The following SEC14L1 variants were observed in gnomAD, a reference collection of about 807,000 sequenced individuals.
SEC14L1 encodes the protein SEC14 like lipid binding 1, also known as SEC14-like protein 1.
A neutral mutation model predicts 85.3 loss-of-function variants in SEC14L1; 48 were observed. The ratio of observed to expected loss-of-function variants is 0.56; its 90% CI spans 0.45 to 0.72. SEC14L1 has a LOEUF of 0.72. SEC14L1 is among the 30% of genes least tolerant of loss of function. SEC14L1 has a pLI of 0.00. For missense variants in SEC14L1, 682 were observed against 921.4 expected, an observed-to-expected ratio of 0.74 and a Z score of 3.36; for synonymous variants, 391 against 355.5, an observed-to-expected ratio of 1.10 and a Z score of -1.12.
At chr17:77,188,092 A>ACCCTAC (rs1256546441) in intron 3 of SEC14L1, among the ~76,000 whole-genome samples, 26 of 152,230 alleles carry the variant, frequency 1.7e-4, no homozygotes, top group Non-Finnish European at 3.2e-4. Flanking sequence ...ATTATTTACA[A>ACCCTAC]AGAATAATAT....
rs1351732693 is a variant in SEC14L1, at chr17:77,206,322, G to A, written c.1263G>A (p.Val421=). The change falls in exon 12 of 17, where the codon GTG becomes GTA. Residue 421 remains valine, a synonymous_variant. Coordinates refer to ENST00000436233, the MANE Select transcript of SEC14L1 (RefSeq NM_001143998.2). This position sits in a 1 kb window ranked among gnomAD's most constrained non-coding sequence, Gnocchi z 4.3. ...CGCTGCTGCGGATCATCGAGGTGGT[G>A]GAGGCCAACTACCCTGAGACACTGG... ...VKALLRIIEV[V]EANYPETLGR... is the part of the protein sequence containing the mutation. The A allele has an allele frequency of 6.2e-7, 1 of 1,614,108 alleles. No individual in the cohort carries two copies. The highest frequency in any genetic ancestry group is 2.2e-5 in the East Asian group (1 of 44,872).
intron 5 of SEC14L1, 131 bp downstream of exon 5, chr17:77,191,443 T>C (rs1342056183): frequency 2.0e-6 from 2 of 1,008,608 alleles, no homozygotes; most frequent in Non-Finnish European, 3.0e-6. Flanking sequence ...GTCACTCATT[T>C]CTCATGTGTA....
At chr17:77,101,211 C>T (rs117225548) in intron 3 of SEC14L1, among the ~76,000 whole-genome samples, 2,223 of 152,040 alleles carry the variant, frequency 0.015, 32 homozygotes, top group Middle Eastern at 0.048. Context: ...GAGTCTCGCC[C>T]TGTTGCTCTG....
chr17:77,111,191 G>GAA (rs57425211), intron 3 of SEC14L1, among the ~76,000 whole-genome samples: 6 of 101,114 alleles, frequency 5.9e-5, no homozygotes, highest in African/African-American at 1.2e-4. Flanking sequence ...GTCTCAAAAA[G>GAA]AAAAAAAAAA....
intron 3 of SEC14L1, among the ~76,000 whole-genome samples, chr17:77,120,722 C>T (rs573299961): frequency 7.9e-5 from 12 of 152,250 alleles, no homozygotes; most frequent in South Asian, 4.1e-4. Flanking sequence ...GGTGATCCAC[C>T]GGTCTCGGCC....
At position 77,214,347 on chromosome 17, in the gene SEC14L1, A is replaced by C; in HGVS notation, c.*324A>C. On this transcript the variant is annotated 3_prime_UTR_variant, in exon 17 of 17. Coordinates refer to ENST00000436233, the MANE Select transcript of SEC14L1 (RefSeq NM_001143998.2). ...GTGGTCTCAGATATTGATGCAAAAA[A>C]TTTTTCCAACGAACTCCGCATTGTC... 9.3e-7 allele frequency: 1 copy of C among 1,076,358 alleles called. No homozygotes were observed. Among genetic ancestry groups the C allele is most frequent in the Non-Finnish European group, 1.1e-6 (1 of 886,004 alleles). The allele number at this position is 1,076,358 out of a possible 1,614,324, so 66.7% of individuals were successfully genotyped here.
intron 3 of SEC14L1, among the ~76,000 whole-genome samples, chr17:77,098,349 A>G (rs1447481260): frequency 2.0e-5 from 3 of 152,042 alleles, no homozygotes; most frequent in African/African-American, 7.3e-5. Flanking sequence ...AAATACAAAA[A>G]TTAGTCAGGC....
intron 3 of SEC14L1, 25 bp downstream of exon 3, chr17:77,143,684 C>G (rs377526158): frequency 1.2e-5 from 19 of 1,522,782 alleles, no homozygotes; most frequent in Non-Finnish European, 1.7e-5. Context: ...TTTCAATTTA[C>G]TCTTTGGCTT....
chr17:77,168,389 G>A (rs748280937), intron 3 of SEC14L1, among the ~76,000 whole-genome samples: 32 of 152,178 alleles, frequency 2.1e-4, no homozygotes, highest in Non-Finnish European at 4.4e-4. Context: ...AGGAGGAGAG[G>A]TAGGGGAGGT....
chr17:77,125,282 C>A (rs892787432), intron 3 of SEC14L1, among the ~76,000 whole-genome samples: 7 of 152,020 alleles, frequency 4.6e-5, no homozygotes, highest in Admixed American at 3.9e-4. Context: ...CAGGCATGAG[C>A]CACCTTGCCC....
chr17:77,102,982 T>A (rs1410546203), intron 3 of SEC14L1, among the ~76,000 whole-genome samples: 2 of 152,028 alleles, frequency 1.3e-5, no homozygotes, highest in African/African-American at 2.4e-5. Flanking sequence ...TGTTTTACTA[T>A]TTTTTAGTAG....
At chr17:77,139,608 C>G (rs1972909930), upstream of SEC14L1, among the ~76,000 whole-genome samples, 1 of 151,434 alleles carries the variant, frequency 6.6e-6, no homozygotes, top group Non-Finnish European at 1.5e-5. Context: ...CGCCATTCTC[C>G]TGCCTCAGAC....
At chr17:77,104,809 A>T (rs552139162) in intron 3 of SEC14L1, among the ~76,000 whole-genome samples, 2 of 147,500 alleles carry the variant, frequency 1.4e-5, no homozygotes, top group Admixed American at 6.7e-5. Context: ...AAAAAAAAAG[A>T]AAGTTTTTTT....
intron 3 of SEC14L1, among the ~76,000 whole-genome samples, chr17:77,156,910 G>T (rs375869728): frequency 1.3e-5 from 2 of 152,110 alleles, no homozygotes; most frequent in Non-Finnish European, 2.9e-5. Context: ...TTCTCCTGTA[G>T]TGATGAATAC....
chr17:77,206,689 G>A lies in SEC14L1; in HGVS notation c.1342-39G>A, dbSNP rs757640650. The A allele has an allele frequency of 1.9e-5, 29 of 1,563,454 alleles. No individual in the cohort carries two copies. The highest frequency in any genetic ancestry group is 2.4e-5 in the Non-Finnish European group (28 of 1,157,002). On this transcript the variant is annotated intron_variant, in intron 12 of 16. Transcript: ENST00000436233. The surrounding 1 kb of genome is among the most constrained non-coding windows in gnomAD (Gnocchi z 4.3). ...CATTTTAATCTTGGACACTCAGGCA[G>A]CAGAGAAATATGACTGCATGGTCTT...
chr17:77,188,168 C>T (rs952589126), intron 3 of SEC14L1, among the ~76,000 whole-genome samples: 4 of 152,092 alleles, frequency 2.6e-5, no homozygotes, highest in African/African-American at 9.7e-5. Flanking sequence ...CTCATCTTCC[C>T]CCAGTGATAA....
chr17:77,165,245 A>G (rs1441074023), intron 3 of SEC14L1, among the ~76,000 whole-genome samples: 1 of 152,176 alleles, frequency 6.6e-6, no homozygotes, highest in Non-Finnish European at 1.5e-5. Flanking sequence ...TATCTGAGAC[A>G]GGTCTTAGTT....
chr17:77,136,987 G>A (rs958809678), upstream of SEC14L1, among the ~76,000 whole-genome samples: 2 of 150,086 alleles, frequency 1.3e-5, no homozygotes, highest in Admixed American at 6.7e-5. Context: ...TCGGCTCACC[G>A]CAACCTCTGC....
Position 77,212,164 on chromosome 17 carries a change from A to C in SEC14L1, c.1826A>C (p.Glu609Ala). 1 of 1,614,066 alleles carries C rather than the reference A, an allele frequency of 6.2e-7. No homozygotes were observed. Among genetic ancestry groups the C allele is most frequent in the Non-Finnish European group, 8.5e-7 (1 of 1,180,046 alleles). Residue 609 changes from glutamate (E) to alanine (A), a missense_variant, in exon 15 of 17, where the codon GAG (glutamate) becomes GCG (alanine). Physicochemically the swap from Glu to Ala is moderately radical, Grantham distance 107. Transcript: ENST00000436233. Reference sequence around the variant, plus strand: ...CTGGGCCGCGACTACAGCATGGTGGAGTCGCCTCTGATCTGCAAAGAAGGA... The same window carrying C: ...CTGGGCCGCGACTACAGCATGGTGGCGTCGCCTCTGATCTGCAAAGAAGGA... ...WQLGRDYSMV[E>A]SPLICKEGES...
Sources: gnomAD v4.1 joint callset for allele counts (sites outside exome capture counted in the v4.1 genomes callset) on GRCh38, gnomAD v4.1.1 for gene constraint, Gnocchi (gnomAD v3.1) non-coding constraint, MANE v1.5 for transcripts, NCBI Gene and HGNC (gene_info 2026-07-23, HGNC 2026-07-21) for gene names.